Variants in CASP8 observed in about 807,000 individuals in gnomAD.
The protein encoded by CASP8 is caspase 8.
Under a neutral mutation model 46.3 loss-of-function variants are expected in CASP8, and 24 were observed. That is an observed-to-expected ratio of 0.52 (90% confidence interval 0.38 to 0.73). CASP8 has a LOEUF of 0.73. Among genes scored for constraint, CASP8 ranks in the 30% least tolerant of loss-of-function variants. CASP8 has a pLI of 0.00. For missense variants in CASP8, 460 were observed against 559.0 expected (o/e 0.82, Z 1.79); for synonymous variants, 188 against 200.4 (o/e 0.94, Z 0.52).
chr2:201,284,826 C>T lies in CASP8; in HGVS notation c.813C>T (p.Thr271=), dbSNP rs2125480234. 9.3e-6 allele frequency: 15 copies of T among 1,613,146 alleles called. No homozygotes were observed. The highest frequency in any genetic ancestry group is 1.3e-5 in the Non-Finnish European group (15 of 1,179,862). Residue 271 remains threonine (T), a synonymous_variant, in exon 8 of 9, where the codon ACC becomes ACT. Coordinates refer to ENST00000673742, the MANE Select transcript of CASP8 (RefSeq NM_001372051.1). ...NGTHLDAGAL[T]TTFEELHFEI... is the part of the protein sequence containing the mutation. ...AATTTCACTTTTCAGGGGCTTTGACCACGACCTTTGAAGAGCTTCATTTTG... is the reference window on the plus strand; with the variant it reads ...AATTTCACTTTTCAGGGGCTTTGACTACGACCTTTGAAGAGCTTCATTTTG...
intron 2 of CASP8, among the ~76,000 whole-genome samples, chr2:201,254,373 C>A (rs937854454): frequency 2.6e-5 from 4 of 152,210 alleles, no homozygotes; most frequent in African/African-American, 9.7e-5. Flanking sequence ...TTGAGCCTCT[C>A]CCTACAAGGC....
At chr2:201,243,106 C>T (rs10221831) in intron 2 of CASP8, among the ~76,000 whole-genome samples, 6,990 of 152,138 alleles carry the variant, frequency 0.046, 218 homozygotes, top group Middle Eastern at 0.088. Flanking sequence ...TGTCAACAAG[C>T]ATAAAGTTTT....
intron 2 of CASP8, among the ~76,000 whole-genome samples, chr2:201,239,295 A>G (rs1946196408): frequency 6.6e-6 from 1 of 152,058 alleles, no homozygotes; most frequent in South Asian, 2.1e-4. Flanking sequence ...CACCTCCCAG[A>G]CGGGGTGGTG....
In CASP8 at chr2:201,266,515, T is replaced by C; in HGVS notation, c.29T>C (p.Ile10Thr). The C allele has an allele frequency of 1.2e-6, 2 of 1,614,130 alleles. No homozygotes were observed. Among genetic ancestry groups the C allele is most frequent in the Non-Finnish European group, 1.7e-6 (2 of 1,179,972 alleles). Residue 10 changes from isoleucine (I) to threonine (T), a missense_variant, in exon 2 of 9, where the codon ATT becomes ACT. Ile to Thr is a moderately conservative substitution (Grantham distance 89). Transcript: ENST00000673742. The surrounding 1 kb of genome is among the most constrained non-coding windows in gnomAD (Gnocchi z 5.7). The stretch of plus-strand genomic sequence containing the variant: ...GACTTCAGCAGAAATCTTTATGATA[T>C]TGGGGAACAACTGGACAGTGAAGAT... MDFSRNLYD[I>T]GEQLDSEDLA...
At chr2:201,277,058 AG>A (rs1948681721) in intron 7 of CASP8, 90 bp downstream of exon 7, 4 of 900,254 alleles carry the variant, frequency 4.4e-6, no homozygotes, top group African/African-American at 1.7e-5. Flanking sequence ...CTATACCAAA[AG>A]GGCCATGTTT....
At chr2:201,274,038 C>G (rs1376759910) in intron 5 of CASP8, among the ~76,000 whole-genome samples, 1 of 152,112 alleles carries the variant, frequency 6.6e-6, no homozygotes, top group Non-Finnish European at 1.5e-5. Context: ...TTTTACAAGT[C>G]CAAGAACACC....
chr2:201,270,605 C>T (rs1948176520), intron 2 of CASP8, among the ~76,000 whole-genome samples: 1 of 152,204 alleles, frequency 6.6e-6, no homozygotes, highest in East Asian at 1.9e-4. Context: ...TCACAGCTCA[C>T]TGCAGCCTCA....
chr2:201,286,349 T>A, intron 8 of CASP8, 110 bp from the exon 9 acceptor site: 1 of 1,355,168 alleles, frequency 7.4e-7, no homozygotes, highest in Non-Finnish European at 1.0e-6. Context: ...TTCAAATGAC[T>A]GATATTTTGA....
intron 2 of CASP8, among the ~76,000 whole-genome samples, chr2:201,243,288 G>C (rs1053015536): frequency 3.3e-5 from 5 of 152,036 alleles, no homozygotes; most frequent in African/African-American, 1.2e-4. Context: ...CTATACATAG[G>C]ATTCCTATAC....
chr2:201,277,718 T>TG, intron 7 of CASP8: 1 of 438,030 alleles, frequency 2.3e-6, no homozygotes, highest in East Asian at 7.5e-5. Flanking sequence ...TTTTTTTTTT[T>TG]GAGACAAAGT....
At chr2:201,233,990 T>C (rs1330178635) in intron 1 of CASP8, 2 of 152,322 alleles carry the variant, frequency 1.3e-5, no homozygotes, top group Non-Finnish European at 2.9e-5. Flanking sequence ...GGGCTTCTAC[T>C]CACCGTCATC....
rs553343427 is a variant in CASP8 at position 201,286,326 on chromosome 2, C to T, written c.1305-133C>T. ...GGAAAGCTGGGGTAGGTCTTGGTTT[C>T]GCACCTTATTGTTTCAAATGACTGA... On this transcript the variant is annotated intron_variant, in intron 8 of 8. Coordinates refer to ENST00000673742, the MANE Select transcript of CASP8 (RefSeq NM_001372051.1). 1.3e-4 allele frequency: 153 copies of T among 1,133,768 alleles called. No individual in the cohort carries two copies. The African/African-American group carries it at 1.7e-3, about 12-fold the overall frequency. The allele number at this position is 1,133,768 out of a possible 1,614,324, so 70.2% of individuals were successfully genotyped here.
chr2:201,271,998 T>C (rs1948287783), intron 3 of CASP8, among the ~76,000 whole-genome samples: 2 of 152,082 alleles, frequency 1.3e-5, no homozygotes, highest in African/African-American at 4.8e-5. Flanking sequence ...TATTTCCGTG[T>C]CTGTGTGTGC....
intron 2 of CASP8, among the ~76,000 whole-genome samples, chr2:201,246,501 A>G (rs140346446): frequency 4.6e-5 from 7 of 152,300 alleles, no homozygotes; most frequent in African/African-American, 1.2e-4. Context: ...TGAAAAAAAC[A>G]TATTATTATG....
At chr2:201,239,374 G>A (rs1277792425) in intron 2 of CASP8, among the ~76,000 whole-genome samples, 3 of 152,064 alleles carry the variant, frequency 2.0e-5, no homozygotes, top group Admixed American at 6.5e-5. Flanking sequence ...TCTCCCAGAC[G>A]GGGCGGCTGG....
chr2:201,258,053 T>G (rs531931333), upstream of CASP8: 83 of 689,406 alleles, frequency 1.2e-4, no homozygotes, highest in African/African-American at 1.1e-3. Flanking sequence ...TCTGTTCTGC[T>G]TTAGGAGTAA....
chr2:201,281,931 T>G, intron 7 of CASP8: 7 of 557,844 alleles, frequency 1.3e-5, no homozygotes, highest in East Asian at 8.8e-5. Flanking sequence ...CTGGTTCAAA[T>G]TCTTTTTTTT....
chr2:201,265,186 A>G (rs896195837), intron 1 of CASP8, among the ~76,000 whole-genome samples: 1 of 152,164 alleles, frequency 6.6e-6, no homozygotes, highest in Non-Finnish European at 1.5e-5. Context: ...GTCACTTTAA[A>G]AATATTTAAT....
rs34775964 is a variant in CASP8, at chr2:201,237,085, A to ATTTTTTT, written c.-27+2990_-27+2996dup. ...CTTTTCCCCAGTATGACCCCTTTCTATTTTTTTTTTTTTTTTTTTTTTTGA... is the reference window on the plus strand; with the variant it reads ...CTTTTCCCCAGTATGACCCCTTTCTATTTTTTTTTTTTTTTTTTTTTTTTTTTTTTGA... On this transcript the variant is annotated intron_variant, in intron 2 of 6. Coordinates refer to the CASP8 transcript ENST00000264274. Among the ~76,000 whole-genome samples the ATTTTTTT allele has an allele frequency of 4.1e-3, 360 of 88,082 alleles. 16 individuals are homozygous for ATTTTTTT. The highest frequency in any genetic ancestry group is 0.015 in the African/African-American group (323 of 21,568). The allele number at this position is 88,082 out of a possible 152,430, so 57.8% of individuals were successfully genotyped here.
Sources: gnomAD v4.1 joint callset for allele counts (sites outside exome capture counted in the v4.1 genomes callset) on GRCh38, gnomAD v4.1.1 for gene constraint, Gnocchi (gnomAD v3.1) non-coding constraint, MANE v1.5 for transcripts, NCBI Gene and HGNC (gene_info 2026-07-23, HGNC 2026-07-21) for gene names.